The following EYS variants were observed in gnomAD, a reference collection of about 807,000 sequenced individuals.
The protein encoded by EYS is protein eyes shut homolog.
In EYS, 250 loss-of-function variants were observed where a neutral mutation model predicts 282.1. The ratio of observed to expected loss-of-function variants is 0.89; its 90% confidence interval spans 0.80 to 0.98. The LOEUF (loss-of-function observed/expected upper bound fraction) is 0.98. Among genes scored for constraint, EYS ranks in the 50% least tolerant of loss-of-function variants. The pLI, the probability that EYS is intolerant of heterozygous loss-of-function variation, is 0.00. For synonymous variants in EYS, 1,355 were observed against 1,282.9 expected (o/e 1.06, Z -1.20); for missense variants, 4,016 against 3,709.0 (o/e 1.08, Z -2.15).
intron 14 of EYS, among the ~76,000 whole-genome samples, chr6:64,951,388 T>C (rs1287588116): frequency 1.3e-5 from 2 of 151,980 alleles, no homozygotes; most frequent in African/African-American, 2.4e-5. Flanking sequence ...ATTCCTATTC[T>C]GTCTGCCAGA....
At chr6:64,686,512 C>A (rs575385181) in intron 22 of EYS, among the ~76,000 whole-genome samples, 6 of 150,922 alleles carry the variant, frequency 4.0e-5, no homozygotes. Flanking sequence ...GAGGCCGAGG[C>A]GGGCGGATCA....
At chr6:65,486,437 A>G (rs1290893685) in intron 5 of EYS, among the ~76,000 whole-genome samples, 1 of 152,222 alleles carries the variant, frequency 6.6e-6, no homozygotes, top group Non-Finnish European at 1.5e-5. Context: ...TCTTGCTCAA[A>G]ATCAGTTTCA....
chr6:64,934,879 A>G (rs1374773746), intron 15 of EYS, among the ~76,000 whole-genome samples: 3 of 151,828 alleles, frequency 2.0e-5, no homozygotes, highest in Non-Finnish European at 4.4e-5. Flanking sequence ...CAGTATAAAT[A>G]TGTTTTGTTC....
At chr6:64,050,882 G>A (rs1770787789) in intron 33 of EYS, among the ~76,000 whole-genome samples, 2 of 152,118 alleles carry the variant, frequency 1.3e-5, no homozygotes, top group Non-Finnish European at 2.9e-5. Context: ...AAAGACATAC[G>A]GACTTAGCTG....
rs186360120 is a variant in EYS at position 65,517,692 on chromosome 6, A to G, written c.-332-21699T>C. On this transcript the variant is annotated intron_variant, in intron 2 of 42. Transcript: ENST00000503581. ...TTGGAAATTAACATTTAAGAATAGT[A>G]GTATGAAACTACAGTTTAATTATTT... 2.2e-3 allele frequency among the ~76,000 whole-genome samples: 333 copies of G among 152,226 alleles called. 2 individuals are homozygous for G. Among genetic ancestry groups the G allele is most frequent in the Non-Finnish European group, 2.2e-3 (151 of 67,946 alleles).
intron 14 of EYS, among the ~76,000 whole-genome samples, chr6:64,982,366 A>C (rs557068299): frequency 3.3e-5 from 5 of 151,554 alleles, no homozygotes; most frequent in African/African-American, 1.2e-4. Flanking sequence ...CCAACACTTT[A>C]GATTACTAAT....
intron 26 of EYS, among the ~76,000 whole-genome samples, chr6:64,440,811 G>A (rs1217915090): frequency 1.3e-5 from 2 of 151,816 alleles, no homozygotes; most frequent in Non-Finnish European, 2.9e-5. Context: ...ACCCAATATT[G>A]ATGAAATTAA....
intron 2 of EYS, among the ~76,000 whole-genome samples, chr6:65,572,523 C>T (rs1449437222): frequency 6.6e-6 from 1 of 152,034 alleles, no homozygotes; most frequent in Non-Finnish European, 1.5e-5. Flanking sequence ...ATATTTCTTT[C>T]TACTAGTTTT....
intron 12 of EYS, among the ~76,000 whole-genome samples, chr6:65,229,738 G>A (rs1012552814): frequency 1.3e-5 from 2 of 151,958 alleles, no homozygotes; most frequent in Non-Finnish European, 2.9e-5. Context: ...AAAACATAAT[G>A]TTGAAGAAAG....
intron 33 of EYS, among the ~76,000 whole-genome samples, chr6:64,018,920 G>A (rs775883530): frequency 6.6e-5 from 10 of 151,688 alleles, no homozygotes; most frequent in East Asian, 1.9e-4. Flanking sequence ...GACTACAGGC[G>A]CATGCCATCA....
In EYS at chr6:63,856,339, AT is replaced by A. The variant is rs562916280; in HGVS notation, c.7228+7846del. ...CCTTCTGTGAATATATAGTCTCTCT[AT>A]TTTAGACCTTTTTAAAAAGCAGGAA... On this transcript the variant is annotated intron_variant, in intron 36 of 42. Coordinates refer to ENST00000503581, the MANE Select transcript of EYS (RefSeq NM_001142800.2). Among the ~76,000 whole-genome samples the A allele has an allele frequency of 5.4e-3, 830 of 152,306 alleles. 4 individuals carry two copies. Among genetic ancestry groups the A allele is most frequent in the Middle Eastern group, 0.014 (4 of 292 alleles).
chr6:64,387,839 CTCGTCAATTTTGTT>C (rs1772963426), intron 29 of EYS, among the ~76,000 whole-genome samples: 1 of 151,938 alleles, frequency 6.6e-6, no homozygotes, highest in Admixed American at 6.6e-5. Context: ...ATCAAATATG[CTCGTCAATTTTGTT>C]TTTATGTCTA....
rs1768041137 is a variant in EYS, at chr6:64,912,750, T to C, written c.2382-7A>G. On this transcript the variant is annotated splice_region_variant and splice_polypyrimidine_tract_variant and intron_variant, in intron 15 of 42. Transcript: ENST00000503581. Reference sequence around the variant, plus strand: ...TCCAGATGTACACTCACATCTGAAATAAAATATTAAAATTTTTAGAAGTGT... The same window carrying C: ...TCCAGATGTACACTCACATCTGAAACAAAATATTAAAATTTTTAGAAGTGT... The C allele has an allele frequency of 1.5e-6, 2 of 1,325,282 alleles. No homozygotes were observed. Among genetic ancestry groups the C allele is most frequent in the Admixed American group, 3.5e-5 (1 of 28,834 alleles). 82.1% of individuals were successfully genotyped at this position (1,325,282 alleles called of 1,614,324 possible).
chr6:64,022,423 C>A (rs2149820536), intron 33 of EYS, among the ~76,000 whole-genome samples: 1 of 152,220 alleles, frequency 6.6e-6, no homozygotes, highest in East Asian at 1.9e-4. Context: ...ATAAACTTTA[C>A]CATTTTCACA....
chr6:65,567,040 T>A (rs1764290223), intron 2 of EYS, among the ~76,000 whole-genome samples: 2 of 152,086 alleles, frequency 1.3e-5, no homozygotes, highest in Admixed American at 6.6e-5. Context: ...GCTTAGATCA[T>A]GAGGGCTCTG....
rs540842766 is a variant in EYS at position 65,663,957 on chromosome 6, C to T, written c.-447-24065G>A. Reference sequence around the variant, plus strand: ...CGCAATCTCGGATCACTGCAAGCTCCGCCTCACGGGTTCAGGCCATTCTCC... The same window carrying T: ...CGCAATCTCGGATCACTGCAAGCTCTGCCTCACGGGTTCAGGCCATTCTCC... On this transcript the variant is annotated intron_variant, in intron 1 of 42. Transcript: ENST00000503581. Among the ~76,000 whole-genome samples the T allele has an allele frequency of 6.4e-3, 961 of 150,086 alleles. 15 individuals are homozygous for T. The highest frequency in any genetic ancestry group is 0.023 in the African/African-American group (915 of 40,494).
chr6:64,027,807 C>T (rs1334147145), intron 33 of EYS, among the ~76,000 whole-genome samples: 2 of 152,222 alleles, frequency 1.3e-5, no homozygotes, highest in Non-Finnish European at 2.9e-5. Flanking sequence ...GATCCAACAA[C>T]AGGATTGAGG....
At chr6:63,743,701 A>G (rs952194404) in intron 41 of EYS, among the ~76,000 whole-genome samples, 2 of 152,220 alleles carry the variant, frequency 1.3e-5, no homozygotes, top group African/African-American at 4.8e-5. Context: ...AGAGGAGACT[A>G]CAATTAAAGA....
chr6:63,934,472 C>G (rs1468269435), intron 35 of EYS, among the ~76,000 whole-genome samples: 4 of 152,148 alleles, frequency 2.6e-5, no homozygotes, highest in African/African-American at 9.6e-5. Context: ...CGGCACTATT[C>G]ACAATAGCAA....
Sources: allele counts gnomAD v4.1 joint callset (sites outside exome capture counted in the v4.1 genomes callset), GRCh38; gene constraint gnomAD v4.1.1; transcripts MANE v1.5; gene names NCBI Gene and HGNC (gene_info 2026-07-23, HGNC 2026-07-21).